MYH9: variants seen among roughly 807,000 people sequenced by gnomAD.
MYH9 encodes myosin heavy chain 9, also known as myosin-9.
MYH9 carries 29 observed loss-of-function variants against 241.9 expected under a neutral mutation model. The ratio of observed to expected loss-of-function variants is 0.12; its 90% CI spans 0.09 to 0.16. The LOEUF (loss-of-function observed/expected upper bound fraction) is 0.16, where lower values mean the gene tolerates loss of function less well. Among genes scored for constraint, MYH9 ranks in the 10% least tolerant of loss-of-function variants. The probability of loss-of-function intolerance (pLI) is 1.00; values close to 1 mark genes in which losing one functional copy is unlikely to be tolerated. For missense variants in MYH9, 1,803 were observed against 2,595.5 expected, an observed-to-expected ratio of 0.69 and a Z score of 6.63; for synonymous variants, 1,047 against 1,062.6, an observed-to-expected ratio of 0.99 and a Z score of 0.29.
At chr22:36,312,301 C>T in intron 13 of MYH9, 79 bp from the exon 14 acceptor site, 5 of 1,441,030 alleles carry the variant, frequency 3.5e-6, no homozygotes, top group Admixed American at 1.8e-5. Context: ...AAAGCCCGGA[C>T]ATCAGAATCC....
chr22:36,318,588 C>T (rs2017197526), intron 10 of MYH9, among the ~76,000 whole-genome samples: 1 of 152,158 alleles, frequency 6.6e-6, no homozygotes, highest in South Asian at 2.1e-4. Context: ...CCCTGAGCCC[C>T]ACGGGGCAGA....
At chr22:36,373,157 C>T (rs931919865) in intron 1 of MYH9, among the ~76,000 whole-genome samples, 2 of 152,172 alleles carry the variant, frequency 1.3e-5, no homozygotes, top group African/African-American at 4.8e-5. Flanking sequence ...TCACACCATC[C>T]TGGAAAAGGC....
Position 36,322,296 on chromosome 22 carries a change from C to A in MYH9, c.705+133G>T, listed in dbSNP as rs993912941. The A allele has an allele frequency of 4.9e-6, 5 of 1,016,248 alleles. No homozygotes were observed. In the Admixed American group the frequency reaches 7.4e-5, roughly 15 times the overall value. The allele number at this position is 1,016,248 out of a possible 1,614,324, so 63.0% of individuals were successfully genotyped here. A position where few individuals can be genotyped will look rare whatever the true frequency, so the allele number is the denominator to read the frequency against. The stretch of plus-strand genomic sequence containing the variant: ...GGCATTCGGTCTGGCCTAGTCCACA[C>A]GACAGGCCAGATAGCACCGAGTCTG... On this transcript the variant is annotated intron_variant, in intron 6 of 40. Coordinates refer to ENST00000216181, the MANE Select transcript of MYH9 (RefSeq NM_002473.6).
At chr22:36,336,608 TAACAA>T (rs1569536355) in intron 3 of MYH9, among the ~76,000 whole-genome samples, 5 of 152,234 alleles carry the variant, frequency 3.3e-5, no homozygotes, top group African/African-American at 1.2e-4. Flanking sequence ...GACAACGAAT[TAACAA>T]CATGGGAAAG....
Position 36,358,117 on chromosome 22 carries a change from T to G in MYH9, c.-19-8862A>C, listed in dbSNP as rs183925240. Among the ~76,000 whole-genome samples, 1,260 of 152,192 alleles carry G rather than the reference T, an allele frequency of 8.3e-3. 19 individuals carry two copies. The highest frequency in any genetic ancestry group is 0.026 in the African/African-American group (1,084 of 41,494). Reference sequence around the variant, plus strand: ...CCCTGGGAATCCCATCAGGCTGGAATGCAGTGGCGTGATCTTGGCTCACTG... The same window carrying G: ...CCCTGGGAATCCCATCAGGCTGGAAGGCAGTGGCGTGATCTTGGCTCACTG... On this transcript the variant is annotated intron_variant, in intron 1 of 40. Coordinates refer to ENST00000216181, the MANE Select transcript of MYH9 (RefSeq NM_002473.6).
chr22:36,302,439 A>G (rs2016893988), intron 20 of MYH9, 129 bp downstream of exon 20: 1 of 779,408 alleles, frequency 1.3e-6, no homozygotes, highest in Non-Finnish European at 2.2e-6. Flanking sequence ...CTGGAGCCCA[A>G]GAGTTTGTGA....
rs986878001 is a variant in MYH9, at chr22:36,305,492, C to T, written c.2160-390G>A. Among the ~76,000 whole-genome samples the T allele has an allele frequency of 3.3e-5, 5 of 152,144 alleles. No homozygotes were observed. The highest frequency in any genetic ancestry group is 9.7e-5 in the African/African-American group (4 of 41,422). ...AGATGGCCCAAGAAATAAAGGGCTGCGTCCCGACAGCAACTGACACTCAGC... is the reference window on the plus strand; with the variant it reads ...AGATGGCCCAAGAAATAAAGGGCTGTGTCCCGACAGCAACTGACACTCAGC... On this transcript the variant is annotated intron_variant, in intron 17 of 40. Transcript: ENST00000216181. This position sits in a 1 kb window ranked among gnomAD's most constrained non-coding sequence, Gnocchi z 4.7.
intron 14 of MYH9, among the ~76,000 whole-genome samples, chr22:36,309,708 G>T (rs1003920737): frequency 6.6e-6 from 1 of 152,162 alleles, no homozygotes; most frequent in Non-Finnish European, 1.5e-5. Context: ...AAATTTTTAG[G>T]TAATATGAAC....
At chr22:36,341,323 C>T (rs780753804) in intron 3 of MYH9, 47 bp downstream of exon 3, 9 of 1,610,392 alleles carry the variant, frequency 5.6e-6, no homozygotes, top group African/African-American at 1.3e-5. Flanking sequence ...TCAATGAGGC[C>T]CCAGGTGAAG....
chr22:36,285,096 G>A lies in MYH9; in HGVS notation c.5483+25C>T, dbSNP rs1368732167. 10 of 1,610,660 alleles carry A rather than the reference G, an allele frequency of 6.2e-6. No individual in the cohort carries two copies. The highest frequency in any genetic ancestry group is 1.3e-5 in the African/African-American group (1 of 74,866). On this transcript the variant is annotated intron_variant, in intron 38 of 40. Coordinates refer to ENST00000216181, the MANE Select transcript of MYH9 (RefSeq NM_002473.6). The surrounding 1 kb of genome is among the most constrained non-coding windows in gnomAD (Gnocchi z 7.0). ...CAGAGTTTTTTCCAGGACAGCTGGGGTTGGGCGGGGCCAGGGGCACGTACT... is the reference window on the plus strand; with the variant it reads ...CAGAGTTTTTTCCAGGACAGCTGGGATTGGGCGGGGCCAGGGGCACGTACT...
intron 3 of MYH9, among the ~76,000 whole-genome samples, chr22:36,337,113 A>C (rs1352102176): frequency 6.6e-6 from 1 of 151,536 alleles, no homozygotes; most frequent in African/African-American, 2.5e-5. Context: ...AAGTAAAACT[A>C]ATCTGCAATG....
At position 36,284,269 on chromosome 22, in the gene MYH9, C is replaced by T. The variant is rs369769391; in HGVS notation, c.5593-4G>A. ...GGCGGGTAGATGCCTTGTCGGCCTG[C>T]GGAGATGGACGTGTGGCCCGTGGCC... On this transcript the variant is annotated splice_region_variant and splice_polypyrimidine_tract_variant and intron_variant, in intron 39 of 40. Transcript: ENST00000216181. 46 of 1,608,426 alleles carry T rather than the reference C, an allele frequency of 2.9e-5. No individual in the cohort carries two copies. The Admixed American group carries it at 3.4e-4, about 12-fold the overall frequency.
chr22:36,333,061 G>A (rs571736340), intron 3 of MYH9, among the ~76,000 whole-genome samples: 2 of 152,314 alleles, frequency 1.3e-5, no homozygotes, highest in African/African-American at 4.8e-5. Flanking sequence ...TTCTGCAGAG[G>A]GCTGGATCAA....
chr22:36,356,261 C>T (rs763743709), intron 1 of MYH9, among the ~76,000 whole-genome samples: 3 of 152,054 alleles, frequency 2.0e-5, no homozygotes, highest in Admixed American at 1.3e-4. Context: ...ATAAAACTAT[C>T]GAAGTAGCTG....
intron 1 of MYH9, among the ~76,000 whole-genome samples, chr22:36,356,234 C>T (rs892594836): frequency 2.6e-5 from 4 of 152,142 alleles, no homozygotes; most frequent in Non-Finnish European, 5.9e-5. Context: ...TACTTGCGGC[C>T]GTTGGTTTTG....
Position 36,301,678 on chromosome 22 carries a change from ATAGAGG to A in MYH9, c.2500-19_2500-14del, listed in dbSNP as rs771536981. ...GCAGCGGCTTGACCTGGGAGAGGAG[ATAGAGG>A]TAGAGACATGCTCGGCTGGAAGATG... On this transcript the variant is annotated splice_polypyrimidine_tract_variant and intron_variant, in intron 20 of 40. Transcript: ENST00000216181. 26 of 1,612,476 alleles carry A rather than the reference ATAGAGG, an allele frequency of 1.6e-5. No homozygotes were observed. The highest frequency in any genetic ancestry group is 2.0e-5 in the Non-Finnish European group (24 of 1,179,972).
At chr22:36,361,925 C>T (rs1228097279) in intron 1 of MYH9, among the ~76,000 whole-genome samples, 1 of 152,116 alleles carries the variant, frequency 6.6e-6, no homozygotes, top group South Asian at 2.1e-4. Context: ...CAAAAATTAG[C>T]CAGGCGTGAT....
In MYH9 at chr22:36,289,281, T is replaced by C; in HGVS notation, c.4361A>G (p.Lys1454Arg). 1 of 1,611,434 alleles carries C rather than the reference T, an allele frequency of 6.2e-7. No homozygotes were observed. Among genetic ancestry groups the C allele is most frequent in the Non-Finnish European group, 8.5e-7 (1 of 1,179,530 alleles). Residue 1454 changes from lysine to arginine, a missense_variant, in exon 32 of 41, where the codon AAG becomes AGG. Around this residue, in one of 11 missense-constraint regions of MYH9, gnomAD observed 876 missense variants for 1,077.8 expected, o/e 0.81. Transcript: ENST00000216181. ...KKFDQLLAEE[K>R]TISAKYAEER... ...CTCTGCATACTTGGCAGAGATGGTC[T>C]TCTCCTCCGCCAGGAGCTGGGAAAG... is the stretch of plus-strand genomic sequence containing the variant.
chr22:36,384,483 T>C (rs1201022857), intron 1 of MYH9, among the ~76,000 whole-genome samples: 1 of 141,960 alleles, frequency 7.0e-6, no homozygotes, highest in African/African-American at 2.7e-5. Flanking sequence ...CTCGGGAGGC[T>C]GAGGCAGGAG....
Sources: allele counts gnomAD v4.1 joint callset (sites outside exome capture counted in the v4.1 genomes callset), GRCh38; gene constraint gnomAD v4.1.1; regional missense constraint gnomAD v4.1.1; non-coding constraint Gnocchi (gnomAD v3.1); transcripts MANE v1.5; gene names NCBI Gene and HGNC (gene_info 2026-07-23, HGNC 2026-07-21).